PRKG1: variants seen among roughly 807,000 people sequenced by gnomAD.
PRKG1 encodes the protein protein kinase cGMP-dependent 1.
In PRKG1, 35 loss-of-function variants were observed where a neutral mutation model predicts 88.1. That is an observed-to-expected ratio of 0.40 (90% CI 0.30 to 0.53). The LOEUF (loss-of-function observed/expected upper bound fraction) is 0.53. Among genes scored for constraint, PRKG1 ranks in the 20% least tolerant of loss-of-function variants. The pLI is 0.59. For synonymous variants in PRKG1, 303 were observed against 292.5 expected (o/e 1.04, Z -0.37); for missense variants, 540 against 839.8 (o/e 0.64, Z 4.41).
rs182994065 is a variant in PRKG1 at position 51,704,234 on chromosome 10, T to C, written c.593-100351T>C. On this transcript the variant is annotated intron_variant, in intron 3 of 17. Transcript: ENST00000373980. ...AGTATAGTAGCTGATAGATGATAGA[T>C]AGACAGACAGACAGACAGATAGATA... Among the ~76,000 whole-genome samples, 377 of 150,302 alleles carry C rather than the reference T, an allele frequency of 2.5e-3. 5 individuals carry two copies. Among genetic ancestry groups the C allele is most frequent in the African/African-American group, 8.2e-3 (332 of 40,578 alleles).
chr10:51,581,217 G>T (rs997626372), intron 3 of PRKG1, among the ~76,000 whole-genome samples: 1 of 152,158 alleles, frequency 6.6e-6, no homozygotes, highest in Non-Finnish European at 1.5e-5. Flanking sequence ...TTACAATATA[G>T]TGTGTGCATC....
Position 51,435,453 on chromosome 10 carries a change from C to CAT in PRKG1, c.479-32257_479-32256dup, listed in dbSNP as rs143893388. Among the ~76,000 whole-genome samples, 97 of 149,294 alleles carry CAT rather than the reference C, an allele frequency of 6.5e-4. 1 individual carries two copies. Among genetic ancestry groups the CAT allele is most frequent in the African/African-American group, 1.4e-3 (57 of 40,696 alleles). On this transcript the variant is annotated intron_variant, in intron 2 of 17. Transcript: ENST00000373980. ...ATATATATATATATATGTCATATGA[C>CAT]ATATATATATATATGGCAAAACATT...
chr10:51,325,069 C>T (rs568637460), intron 2 of PRKG1, among the ~76,000 whole-genome samples: 1 of 152,138 alleles, frequency 6.6e-6, no homozygotes, highest in African/African-American at 2.4e-5. Flanking sequence ...TATAGCCATT[C>T]GAACTAGGGT....
At chr10:51,856,263 T>C (rs903176429) in intron 4 of PRKG1, among the ~76,000 whole-genome samples, 1 of 152,174 alleles carries the variant, frequency 6.6e-6, no homozygotes, top group African/African-American at 2.4e-5. Context: ...AGGTAACATA[T>C]TTACAGGTTC....
intron 7 of PRKG1, among the ~76,000 whole-genome samples, chr10:52,068,386 T>C (rs11000673): frequency 0.17 from 26,368 of 152,076 alleles, 2,894 homozygotes; most frequent in South Asian, 0.28. Context: ...GCCACCTTCC[T>C]TTCTTTCCCC....
intron 5 of PRKG1, among the ~76,000 whole-genome samples, chr10:51,934,735 G>A (rs1842767998): frequency 6.6e-6 from 1 of 152,150 alleles, no homozygotes; most frequent in Admixed American, 6.6e-5. Flanking sequence ...ATGAGGAGAA[G>A]GACAAACTAC....
At chr10:51,424,286 A>G (rs568928103) in intron 2 of PRKG1, among the ~76,000 whole-genome samples, 1 of 152,096 alleles carries the variant, frequency 6.6e-6, no homozygotes, top group African/African-American at 2.4e-5. Flanking sequence ...ATGGATATCT[A>G]TATTAATGTT....
chr10:51,960,723 G>A (rs1449360600), intron 5 of PRKG1, among the ~76,000 whole-genome samples: 1 of 152,150 alleles, frequency 6.6e-6, no homozygotes, highest in Admixed American at 6.6e-5. Flanking sequence ...CAACTGAAAT[G>A]GGAGATGAAT....
chr10:51,283,344 C>T (rs1840350441), intron 2 of PRKG1, among the ~76,000 whole-genome samples: 1 of 151,972 alleles, frequency 6.6e-6, no homozygotes. Flanking sequence ...GGAAAAAAAT[C>T]CCTTCTCTTG....
chr10:52,075,511 G>A (rs762877868), intron 7 of PRKG1, among the ~76,000 whole-genome samples: 1 of 152,182 alleles, frequency 6.6e-6, no homozygotes, highest in Non-Finnish European at 1.5e-5. Context: ...CTTTAAAGCT[G>A]CAGTAGCCAA....
intron 9 of PRKG1, among the ~76,000 whole-genome samples, chr10:52,226,395 G>A (rs1294038222): frequency 6.6e-6 from 1 of 152,104 alleles, no homozygotes; most frequent in Non-Finnish European, 1.5e-5. Flanking sequence ...TGGAATCATA[G>A]TTTGTCCCTC....
chr10:51,942,934 G>A (rs11815634), intron 5 of PRKG1, among the ~76,000 whole-genome samples: 12,395 of 151,408 alleles, frequency 0.082, 1,484 homozygotes, highest in African/African-American at 0.25. Context: ...TTGGCGATGC[G>A]GGCTCTGTTT....
intron 1 of PRKG1, among the ~76,000 whole-genome samples, chr10:51,146,546 T>A (rs1458680399): frequency 6.6e-6 from 1 of 152,108 alleles, no homozygotes; most frequent in Non-Finnish European, 1.5e-5. Context: ...GCTGATCATT[T>A]CCTTTGCTAT....
chr10:51,788,463 G>A (rs1217627622), intron 3 of PRKG1, among the ~76,000 whole-genome samples: 1 of 152,150 alleles, frequency 6.6e-6, no homozygotes, highest in Non-Finnish European at 1.5e-5. Context: ...AGAGAAGGCT[G>A]TTAGAGAGCT....
intron 5 of PRKG1, among the ~76,000 whole-genome samples, chr10:51,940,826 A>T (rs1352452366): frequency 6.6e-6 from 1 of 151,976 alleles, no homozygotes; most frequent in Non-Finnish European, 1.5e-5. Flanking sequence ...TTCTAGAATG[A>T]GTAACACATC....
upstream of PRKG1, among the ~76,000 whole-genome samples, chr10:51,069,580 G>C (rs10995547): frequency 6.6e-6 from 1 of 151,782 alleles, no homozygotes; most frequent in South Asian, 2.1e-4. Flanking sequence ...AGACAGTTCC[G>C]GTTGTGCATT....
At chr10:51,591,177 A>G (rs980413546) in intron 3 of PRKG1, among the ~76,000 whole-genome samples, 6 of 152,194 alleles carry the variant, frequency 3.9e-5, no homozygotes, top group African/African-American at 1.4e-4. Context: ...CTGTGTGTGC[A>G]CACATACACG....
intron 7 of PRKG1, among the ~76,000 whole-genome samples, chr10:52,068,001 G>T (rs1379772900): frequency 9.3e-6 from 1 of 107,626 alleles, no homozygotes; most frequent in Non-Finnish European, 2.3e-5. Context: ...TCAGGAGATC[G>T]AGACCATCCT....
At chr10:51,678,923 C>T (rs765683816) in intron 3 of PRKG1, among the ~76,000 whole-genome samples, 5 of 152,164 alleles carry the variant, frequency 3.3e-5, no homozygotes, top group Non-Finnish European at 5.9e-5. Context: ...GGGACTACTG[C>T]AGTGCATTAT....
Sources: allele counts gnomAD v4.1 joint callset (sites outside exome capture counted in the v4.1 genomes callset), GRCh38; gene constraint gnomAD v4.1.1; transcripts MANE v1.5; gene names NCBI Gene and HGNC (gene_info 2026-07-23, HGNC 2026-07-21).